Variants in TRMT6 observed in about 807,000 individuals in gnomAD.
TRMT6 encodes tRNA methyltransferase 6 non-catalytic subunit, also known as tRNA (adenine(58)-N(1))-methyltransferase non-catalytic subunit TRM6.
Under a neutral mutation model 59.0 loss-of-function variants are expected in TRMT6, and 34 were observed. That is an observed-to-expected ratio of 0.58 (90% CI 0.44 to 0.77). The LOEUF is 0.77. Among genes scored for constraint, TRMT6 ranks in the 30% least tolerant of loss-of-function variants. TRMT6 has a pLI of 0.00. For missense variants in TRMT6, 575 were observed against 604.5 expected (o/e 0.95, Z 0.51); for synonymous variants, 217 against 210.5 (o/e 1.03, Z -0.27).
intron 1 of TRMT6, among the ~76,000 whole-genome samples, chr20:5,949,763 G>T (rs1376720376): frequency 1.3e-5 from 2 of 152,094 alleles, no homozygotes; most frequent in African/African-American, 4.8e-5. Context: ...GATCCTGACT[G>T]GGGGATTAGG....
rs2088656221 is a variant in TRMT6, at chr20:5,941,556, T to C, written c.1113-211A>G. ...ACTAGGTTAGAAGCTCTTGTGGTACTTGGCAACTCTAAGTCGCATTTAATG... is the reference window on the plus strand; with the variant it reads ...ACTAGGTTAGAAGCTCTTGTGGTACCTGGCAACTCTAAGTCGCATTTAATG... On this transcript the variant is annotated intron_variant, in intron 8 of 10. Transcript: ENST00000203001. The C allele has an allele frequency of 1.0e-5, 6 of 574,416 alleles. No individual in the cohort carries two copies. In the South Asian group the frequency reaches 1.4e-4, roughly 13 times the overall value. 35.6% of individuals were successfully genotyped at this position (574,416 alleles called of 1,614,324 possible). A position where few individuals can be genotyped will look rare whatever the true frequency, so the allele number is the denominator to read the frequency against.
At chr20:5,942,308 G>A in intron 7 of TRMT6, 120 bp downstream of exon 7, 1 of 932,278 alleles carries the variant, frequency 1.1e-6, no homozygotes, top group Non-Finnish European at 1.7e-6. Context: ...CTCGTTCTCT[G>A]TTTTGATAGT....
At position 5,941,264 on chromosome 20, in the gene TRMT6, C is replaced by A. The variant is rs751868069; in HGVS notation, c.1194G>T (p.Val398=). 5.9e-5 allele frequency: 96 copies of A among 1,614,124 alleles called. No individual in the cohort carries two copies. The highest frequency in any genetic ancestry group is 7.9e-5 in the Non-Finnish European group (93 of 1,179,996). The part of the protein sequence containing the change: ...LDFVAPSRPF[V]VYCQYKEPLL... ...TTACCTCTTTGTACTGACAGTAGAC[C>A]ACAAACGGCCTTGAAGGGGCCACAA... is the stretch of plus-strand genomic sequence containing the variant. Residue 398 remains valine, a synonymous_variant, in exon 9 of 11, where the codon GTG becomes GTT. Transcript: ENST00000203001.
Position 5,944,152 on chromosome 20 carries a change from A to G in TRMT6, c.458+10T>C. On this transcript the variant is annotated intron_variant, in intron 4 of 10. Coordinates refer to ENST00000203001, the MANE Select transcript of TRMT6 (RefSeq NM_015939.5). ...AATATTGTGGGCCTTTTAAAATAAA[A>G]ACTACTTACTTTTTTTTCTTCTTTT... is the stretch of plus-strand genomic sequence containing the variant. The G allele has an allele frequency of 1.4e-6, 2 of 1,456,504 alleles. No homozygotes were observed. The highest frequency in any genetic ancestry group is 1.9e-6 in the Non-Finnish European group (2 of 1,079,278). The allele number at this position is 1,456,504 out of a possible 1,614,324, so 90.2% of individuals were successfully genotyped here. A position where few individuals can be genotyped will look rare whatever the true frequency, so the allele number is the denominator to read the frequency against.
chr20:5,942,526 G>C lies in TRMT6; in HGVS notation c.928C>G (p.Pro310Ala). 1 of 1,613,852 alleles carries C rather than the reference G, an allele frequency of 6.2e-7. No homozygotes were observed. The highest frequency in any genetic ancestry group is 1.1e-5 in the South Asian group (1 of 91,038). ...QENEDSMAEA[P>A]ESNHPEDQET... ...TGGTCTTCTGGGTGGTTGCTCTCTG[G>C]GGCCTCTGCCATGCTGTCTTCATTC... The change falls in exon 7 of 11, where the codon CCA becomes GCA. Residue 310 changes from proline to alanine, a missense_variant. By Grantham distance (27) the Pro-to-Ala change is conservative. Coordinates refer to ENST00000203001, the MANE Select transcript of TRMT6 (RefSeq NM_015939.5).
chr20:5,938,764 A>G (rs1159437494), intron 10 of TRMT6, 38 bp from the exon 11 acceptor site: 6 of 1,587,198 alleles, frequency 3.8e-6, no homozygotes, highest in Non-Finnish European at 5.2e-6. Flanking sequence ...CTTTCCTAAG[A>G]CAATAAAGTC....
Position 5,942,703 on chromosome 20 carries a change from G to A in TRMT6, c.751C>T (p.Leu251Phe). 2 of 1,614,186 alleles carry A rather than the reference G, an allele frequency of 1.2e-6. No individual in the cohort carries two copies. The highest frequency in any genetic ancestry group is 1.7e-6 in the Non-Finnish European group (2 of 1,180,034). ...AGAGGGAATTCATAAAGACCACTGA[G>A]AAAAGATTTGGGAAATCCAAAACAT... ...TACFGFPKSF[L>F]SGLYEFPLNK... The change falls in exon 7 of 11, where the codon CTC (leucine) becomes TTC (phenylalanine). Residue 251 changes from leucine (L) to phenylalanine (F), a missense_variant. Physicochemically the swap from Leu to Phe is conservative, Grantham distance 22. Transcript: ENST00000203001.
In TRMT6 at chr20:5,941,279, A is replaced by G. The variant is rs779665280; in HGVS notation, c.1179T>C (p.Pro393=). ...LLLSLLDFVA[P]SRPFVVYCQY... ...GACAGTAGACCACAAACGGCCTTGAAGGGGCCACAAAGTCCAGCAAAGACA... is the reference window on the plus strand; with the variant it reads ...GACAGTAGACCACAAACGGCCTTGAGGGGGCCACAAAGTCCAGCAAAGACA... Residue 393 remains proline, a synonymous_variant, in exon 9 of 11, where the codon CCT becomes CCC. Transcript: ENST00000203001. 6.2e-7 allele frequency: 1 copy of G among 1,614,220 alleles called. No individual in the cohort carries two copies. Among genetic ancestry groups the G allele is most frequent in the Non-Finnish European group, 8.5e-7 (1 of 1,180,018 alleles).
chr20:5,943,437 AC>A (rs1453363503), intron 6 of TRMT6, 121 bp downstream of exon 6: 1 of 1,332,634 alleles, frequency 7.5e-7, no homozygotes, highest in Non-Finnish European at 1.0e-6. Context: ...GTGCAGGTTC[AC>A]CCAAGTCACT....
intron 1 of TRMT6, 127 bp downstream of exon 1, chr20:5,950,151 G>A (rs1240826039): frequency 1.0e-6 from 1 of 978,334 alleles, no homozygotes; most frequent in Non-Finnish European, 1.5e-6. Context: ...GACAACGAGG[G>A]CGGGGAATGG....
At position 5,945,111 on chromosome 20, in the gene TRMT6, C is replaced by G. The variant is rs535837066; in HGVS notation, c.257-197G>C. On this transcript the variant is annotated intron_variant, in intron 2 of 10. Transcript: ENST00000203001. ...ATCTTCCTGCTCCCAGTCTTGCCCC[C>G]CTACTATCCACCTGGATGCCAGAGT... Among the ~76,000 whole-genome samples the G allele has an allele frequency of 9.8e-5, 15 of 152,322 alleles. No homozygotes were observed. In the South Asian group the frequency reaches 2.1e-3, roughly 21 times the overall value.
At chr20:5,942,241 G>A (rs2088662669) in intron 7 of TRMT6, 187 bp downstream of exon 7, 6 of 729,382 alleles carry the variant, frequency 8.2e-6, no homozygotes, top group Admixed American at 2.5e-5. Context: ...CAACGCTTCT[G>A]TATCCTAAAG....
chr20:5,946,416 C>T lies in TRMT6; in HGVS notation c.246G>A (p.Glu82=), dbSNP rs1397189448. The T allele has an allele frequency of 6.2e-7, 1 of 1,614,096 alleles. No individual in the cohort carries two copies. Among genetic ancestry groups the T allele is most frequent in the East Asian group, 2.2e-5 (1 of 44,880 alleles). ...GSLQPKKKRE[E]PTAETKEAGT... ...ATCCAAAATGTGCACCTGCAGTAGG[C>T]TCTTCCCTCTTCTTCTTGGGCTGTA... is the stretch of plus-strand genomic sequence containing the variant. Residue 82 remains glutamate (E), a synonymous_variant, in exon 2 of 11, where the codon GAG becomes GAA. Coordinates refer to ENST00000203001, the MANE Select transcript of TRMT6 (RefSeq NM_015939.5).
chr20:5,950,254 C>T, intron 1 of TRMT6, 24 bp downstream of exon 1: 2 of 1,585,010 alleles, frequency 1.3e-6, no homozygotes, highest in Non-Finnish European at 1.7e-6. Context: ...GCGGGAGACC[C>T]CTAAAATCAG....
rs774268789 is a variant in TRMT6, at chr20:5,941,165, A to T, written c.1216-26T>A. 3 of 1,609,784 alleles carry T rather than the reference A, an allele frequency of 1.9e-6. No homozygotes were observed. In the South Asian group the frequency reaches 3.3e-5, roughly 18 times the overall value. On this transcript the variant is annotated intron_variant, in intron 9 of 10. Transcript: ENST00000203001. ...CTGCAGACAACAACAGAATTCTGTT[A>T]AGAACTACTTCCTGGGATGCAGTTT...
In TRMT6 at chr20:5,938,383, G is replaced by C. The variant is rs2088625384; in HGVS notation, c.*152C>G. 3 of 799,000 alleles carry C rather than the reference G, an allele frequency of 3.8e-6. No individual in the cohort carries two copies. The African/African-American group carries it at 5.2e-5, about 14-fold the overall frequency. 49.5% of individuals were successfully genotyped at this position (799,000 alleles called of 1,614,324 possible). ...ACCAAATGCATCTGTGTCAGAAATA[G>C]ACAAAAGGCATATACTCCTCCTTCC... On this transcript the variant is annotated 3_prime_UTR_variant, in exon 11 of 11. Coordinates refer to ENST00000203001, the MANE Select transcript of TRMT6 (RefSeq NM_015939.5).
intron 8 of TRMT6, chr20:5,941,672 G>A (rs2088657416): frequency 3.7e-6 from 2 of 539,538 alleles, no homozygotes; most frequent in Admixed American, 6.7e-5. Flanking sequence ...CTGTATCGCA[G>A]CATTTGAGTG....
In TRMT6 at chr20:5,944,915, C is replaced by G. The variant is rs764852013; in HGVS notation, c.257-1G>C. The G allele has an allele frequency of 5.0e-6, 8 of 1,606,228 alleles. No individual in the cohort carries two copies. The East Asian group carries it at 1.8e-4, about 36-fold the overall frequency. On this transcript the variant is annotated splice_acceptor_variant, in intron 2 of 10. Coordinates refer to ENST00000203001, the MANE Select transcript of TRMT6 (RefSeq NM_015939.5). LOFTEE classifies it high-confidence loss of function. ...TTATCAGTGCCCGCTTCTTTAGTCT[C>G]TAAGGAAAGAAATTGCTCTATTGAC...
At chr20:5,950,218 A>T in intron 1 of TRMT6, 60 bp downstream of exon 1, 1 of 1,471,740 alleles carries the variant, frequency 6.8e-7, no homozygotes, top group Non-Finnish European at 9.2e-7. Context: ...AGAAACCTGG[A>T]GGGAGGGGGT....
Sources: gnomAD v4.1 joint callset for allele counts (sites outside exome capture counted in the v4.1 genomes callset) on GRCh38, gnomAD v4.1.1 for gene constraint, MANE v1.5 for transcripts, NCBI Gene and HGNC (gene_info 2026-07-23, HGNC 2026-07-21) for gene names.